LINGO2: variants seen among roughly 807,000 people sequenced by gnomAD.
LINGO2 encodes leucine rich repeat and Ig domain containing 2.
Under a neutral mutation model 30.6 loss-of-function variants are expected in LINGO2, and 14 were observed. That is an observed-to-expected ratio of 0.46 (90% CI 0.30 to 0.72). The LOEUF (loss-of-function observed/expected upper bound fraction) is 0.72. LINGO2 is among the 30% of genes least tolerant of loss of function. The pLI is 0.07. For missense variants in LINGO2, 729 were observed against 751.7 expected, an observed-to-expected ratio of 0.97 and a Z score of 0.35; for synonymous variants, 317 against 288.5, an observed-to-expected ratio of 1.10 and a Z score of -1.00.
At chr9:28,414,552 C>T (rs1044567804) in intron 2 of LINGO2, among the ~76,000 whole-genome samples, 1 of 152,072 alleles carries the variant, frequency 6.6e-6, no homozygotes, top group South Asian at 2.1e-4. Context: ...ACCTTACCAA[C>T]TGTGTATTTA....
At chr9:28,065,303 G>A (rs537711637) in intron 4 of LINGO2, among the ~76,000 whole-genome samples, 4 of 151,884 alleles carry the variant, frequency 2.6e-5, no homozygotes, top group East Asian at 1.9e-4. Context: ...TGCCATATCC[G>A]TATCCCCAGT....
intron 1 of LINGO2, among the ~76,000 whole-genome samples, chr9:28,556,070 C>T (rs1470227342): frequency 6.6e-6 from 1 of 152,062 alleles, no homozygotes; most frequent in Non-Finnish European, 1.5e-5. Flanking sequence ...GAAGCATTCC[C>T]TCTGAAAATG....
chr9:28,934,992 G>T, the LINGO2 span, among the ~76,000 whole-genome samples: 1 of 152,030 alleles, frequency 6.6e-6, no homozygotes, highest in Non-Finnish European at 1.5e-5. Flanking sequence ...ACTATGGCTT[G>T]ATAATCAATT....
chr9:28,756,628 G>C, the LINGO2 span, among the ~76,000 whole-genome samples: 961 of 152,044 alleles, frequency 6.3e-3, 21 homozygotes, highest in African/African-American at 0.021. Flanking sequence ...TCAAGGGAGG[G>C]ACCACATGAG....
At chr9:28,541,819 C>T (rs1344547515) in intron 1 of LINGO2, among the ~76,000 whole-genome samples, 1 of 152,108 alleles carries the variant, frequency 6.6e-6, no homozygotes, top group African/African-American at 2.4e-5. Flanking sequence ...AGTTTCAGAG[C>T]TGAATCTTGA....
chr9:29,193,628 C>T, the LINGO2 span, among the ~76,000 whole-genome samples: 69 of 152,280 alleles, frequency 4.5e-4, no homozygotes, highest in African/African-American at 1.1e-3. Context: ...GGCTTGGAAA[C>T]CTGCAAAGGG....
At chr9:29,124,734 T>C in the LINGO2 span, among the ~76,000 whole-genome samples, 1 of 152,178 alleles carries the variant, frequency 6.6e-6, no homozygotes, top group Non-Finnish European at 1.5e-5. Flanking sequence ...CCAGTTAGAA[T>C]GGCGATCATT....
chr9:28,184,201 G>A (rs1489831186), intron 4 of LINGO2, among the ~76,000 whole-genome samples: 1 of 152,156 alleles, frequency 6.6e-6, no homozygotes, highest in Non-Finnish European at 1.5e-5. Context: ...GGGGAGGTAG[G>A]TGGAAATAAA....
At chr9:28,943,762 AGGT>A in the LINGO2 span, among the ~76,000 whole-genome samples, 1 of 152,202 alleles carries the variant, frequency 6.6e-6, no homozygotes, top group Admixed American at 6.5e-5. Context: ...TCAGTGGAGA[AGGT>A]GGTGAGAAGA....
At chr9:29,165,637 A>G in the LINGO2 span, among the ~76,000 whole-genome samples, 34 of 152,264 alleles carry the variant, frequency 2.2e-4, no homozygotes, top group African/African-American at 7.9e-4. Flanking sequence ...TAGGAGAAGA[A>G]ACTTGAATTG....
chr9:28,681,980 G>T, the LINGO2 span, among the ~76,000 whole-genome samples: 3 of 152,078 alleles, frequency 2.0e-5, no homozygotes. Context: ...GATTCAGAGA[G>T]GTAGAGTGAC....
At chr9:28,723,965 T>G in the LINGO2 span, among the ~76,000 whole-genome samples, 13 of 152,188 alleles carry the variant, frequency 8.5e-5, no homozygotes, top group African/African-American at 3.1e-4. Flanking sequence ...TTTTTCCCAG[T>G]GACAATGCAT....
At chr9:28,055,707 C>T (rs1020508428) in intron 4 of LINGO2, among the ~76,000 whole-genome samples, 1 of 152,120 alleles carries the variant, frequency 6.6e-6, no homozygotes, top group Admixed American at 6.6e-5. Flanking sequence ...CTACCTGTTA[C>T]TTAAAATTCT....
Position 28,627,516 on chromosome 9 carries a change from T to C in LINGO2, c.-365+42684A>G, listed in dbSNP as rs149771060. On this transcript the variant is annotated intron_variant, in intron 1 of 5. Transcript: ENST00000379992. ...TGGTCCCCTTTTCTGCACTAAAATA[T>C]GGAAAATGCCTCCAGACAGAAAGCC... Among the ~76,000 whole-genome samples the C allele has an allele frequency of 2.6e-3, 395 of 152,164 alleles. 3 individuals carry two copies. Among genetic ancestry groups the C allele is most frequent in the African/African-American group, 9.1e-3 (377 of 41,558 alleles).
At chr9:28,217,235 A>G (rs1820799894) in intron 4 of LINGO2, among the ~76,000 whole-genome samples, 1 of 151,582 alleles carries the variant, frequency 6.6e-6, no homozygotes. Flanking sequence ...ACAATACCTT[A>G]CTTGGAATGA....
intron 1 of LINGO2, among the ~76,000 whole-genome samples, chr9:28,619,785 T>G (rs1563869050): frequency 6.6e-6 from 1 of 152,122 alleles, no homozygotes; most frequent in Non-Finnish European, 1.5e-5. Flanking sequence ...GTGGTAGTAA[T>G]TTCTTTGAAA....
chr9:28,211,640 T>G (rs1412875411), intron 4 of LINGO2, among the ~76,000 whole-genome samples: 1 of 151,472 alleles, frequency 6.6e-6, no homozygotes, highest in Non-Finnish European at 1.5e-5. Flanking sequence ...ATTTCTTACT[T>G]TGAAGAAGTC....
the LINGO2 span, among the ~76,000 whole-genome samples, chr9:29,171,021 T>C: frequency 2.6e-5 from 4 of 152,096 alleles, no homozygotes; most frequent in Non-Finnish European, 5.9e-5. Flanking sequence ...CTTTACTGTT[T>C]TGTCTTTTTT....
chr9:27,952,769 A>C (rs772682213), intron 5 of LINGO2, among the ~76,000 whole-genome samples: 3 of 152,100 alleles, frequency 2.0e-5, no homozygotes, highest in Non-Finnish European at 2.9e-5. Flanking sequence ...AAGGATTCAA[A>C]TGTAAGAAGA....
Sources: allele counts gnomAD v4.1 joint callset (sites outside exome capture counted in the v4.1 genomes callset), GRCh38; gene constraint gnomAD v4.1.1; transcripts MANE v1.5; gene names NCBI Gene and HGNC (gene_info 2026-07-23, HGNC 2026-07-21).